The following EHBP1 variants were observed in gnomAD, a reference collection of about 807,000 sequenced individuals.
EHBP1 encodes EH domain-binding protein 1.
In EHBP1, 55 loss-of-function variants were observed where a neutral mutation model predicts 144.0. That is an observed-to-expected ratio of 0.38 (90% CI 0.31 to 0.48). The LOEUF (loss-of-function observed/expected upper bound fraction) is 0.48. EHBP1 is among the 20% of genes least tolerant of loss of function. The pLI is 0.98. For missense variants in EHBP1, 1,200 were observed against 1,364.2 expected (o/e 0.88, Z 1.90); for synonymous variants, 469 against 472.7 (o/e 0.99, Z 0.10).
chr2:62,832,101 A>G (rs1303900654), intron 7 of EHBP1, among the ~76,000 whole-genome samples: 1 of 152,112 alleles, frequency 6.6e-6, no homozygotes, highest in East Asian at 1.9e-4. Flanking sequence ...AAATTTTATT[A>G]TTTTCTAATT....
chr2:62,813,281 A>C (rs891506762), intron 5 of EHBP1, among the ~76,000 whole-genome samples: 1 of 152,202 alleles, frequency 6.6e-6, no homozygotes, highest in Non-Finnish European at 1.5e-5. Flanking sequence ...AGTGGCATCC[A>C]TGTGATGTTA....
At chr2:62,907,542 G>A (rs1284230332) in intron 10 of EHBP1, among the ~76,000 whole-genome samples, 1 of 152,098 alleles carries the variant, frequency 6.6e-6, no homozygotes, top group Admixed American at 6.6e-5. Context: ...GTTTAGAGAT[G>A]GCAGTCTTCT....
chr2:62,832,419 A>T (rs2046879534), intron 7 of EHBP1, among the ~76,000 whole-genome samples: 1 of 147,318 alleles, frequency 6.8e-6, no homozygotes, highest in South Asian at 2.1e-4. Context: ...TGCACTTCAC[A>T]GATTTTTTTT....
chr2:62,863,592 T>C (rs1261027341), intron 8 of EHBP1, among the ~76,000 whole-genome samples: 2 of 152,212 alleles, frequency 1.3e-5, no homozygotes, highest in African/African-American at 2.4e-5. Context: ...TGAAGTTACA[T>C]TGAAAAAATA....
At chr2:62,905,915 G>A (rs2053773130) in intron 10 of EHBP1, among the ~76,000 whole-genome samples, 1 of 152,058 alleles carries the variant, frequency 6.6e-6, no homozygotes, top group Admixed American at 6.6e-5. Flanking sequence ...GGCAAAAAAC[G>A]ATGGTAGTTT....
At chr2:62,863,542 A>G (rs1343028696) in intron 8 of EHBP1, among the ~76,000 whole-genome samples, 3 of 152,216 alleles carry the variant, frequency 2.0e-5, no homozygotes, top group African/African-American at 4.8e-5. Flanking sequence ...CAGTATTATT[A>G]TAGTGCTTTC....
chr2:62,904,765 C>A (rs1367577961), intron 10 of EHBP1, among the ~76,000 whole-genome samples: 1 of 152,174 alleles, frequency 6.6e-6, no homozygotes, highest in Non-Finnish European at 1.5e-5. Context: ...GACTATTACT[C>A]TAACTTTTTG....
chr2:63,035,452 A>G (rs2061410545), intron 19 of EHBP1, among the ~76,000 whole-genome samples: 1 of 152,094 alleles, frequency 6.6e-6, no homozygotes, highest in Non-Finnish European at 1.5e-5. Context: ...ATTCATAGGC[A>G]TAAGTTTAAC....
intron 10 of EHBP1, among the ~76,000 whole-genome samples, chr2:62,878,315 A>G (rs2051067422): frequency 6.6e-6 from 1 of 152,224 alleles, no homozygotes; most frequent in Non-Finnish European, 1.5e-5. Context: ...AAATTGAATC[A>G]GTAATAAAAA....
intron 10 of EHBP1, among the ~76,000 whole-genome samples, chr2:62,933,484 C>T (rs1387640731): frequency 6.6e-6 from 1 of 152,094 alleles, no homozygotes; most frequent in African/African-American, 2.4e-5. Context: ...CATACATTGG[C>T]CTATGTGGTA....
At position 63,045,035 on chromosome 2, in the gene EHBP1, CGGTGGGTAACT is replaced by C; in HGVS notation, c.3278-30_3278-20del. The C allele has an allele frequency of 1.3e-6, 2 of 1,505,584 alleles. No homozygotes were observed. Among genetic ancestry groups the C allele is most frequent in the Non-Finnish European group, 1.8e-6 (2 of 1,107,218 alleles). 93.3% of individuals were successfully genotyped at this position (1,505,584 alleles called of 1,614,324 possible). A position where few individuals can be genotyped will look rare whatever the true frequency, so the allele number is the denominator to read the frequency against. ...GGGGCCGGGTGTTCGGAGGCCCTGC[CGGTGGGTAACT>C]AGCCTCCCGTCTTCTGCAGACTGGC... On this transcript the variant is annotated intron_variant, in intron 21 of 22. Transcript: ENST00000431489. The surrounding 1 kb of genome is among the most constrained non-coding windows in gnomAD (Gnocchi z 5.7).
rs1382245108 is a variant in EHBP1 at position 62,948,877 on chromosome 2, C to A, written c.2031C>A (p.Pro677=). 6 of 1,613,874 alleles carry A rather than the reference C, an allele frequency of 3.7e-6. No individual in the cohort carries two copies. Among genetic ancestry groups the A allele is most frequent in the Non-Finnish European group, 5.1e-6 (6 of 1,179,980 alleles). Residue 677 remains proline, a synonymous_variant, in exon 13 of 23, where the codon CCC becomes CCA. Coordinates refer to ENST00000431489, the MANE Select transcript of EHBP1 (RefSeq NM_001142616.3). The part of the protein sequence containing the change: ...VSDKKKDMSP[P]FICEETDEQK... Reference sequence around the variant, plus strand: ...ATAAGAAGAAGGATATGTCTCCACCCTTTATTTGTGAGGAGACAGATGAAC... The same window carrying A: ...ATAAGAAGAAGGATATGTCTCCACCATTTATTTGTGAGGAGACAGATGAAC...
At chr2:62,931,455 G>A (rs13417661) in intron 10 of EHBP1, among the ~76,000 whole-genome samples, 1 of 152,126 alleles carries the variant, frequency 6.6e-6, no homozygotes, top group East Asian at 1.9e-4. Context: ...AAATGATACA[G>A]TGCTGTGGAA....
At chr2:62,695,328 T>C (rs2034048111) in intron 1 of EHBP1, among the ~76,000 whole-genome samples, 1 of 152,056 alleles carries the variant, frequency 6.6e-6, no homozygotes, top group African/African-American at 2.4e-5. Context: ...ACCACTGCAC[T>C]CTACTCCGGA....
intron 3 of EHBP1, among the ~76,000 whole-genome samples, chr2:62,755,666 A>G (rs547444750): frequency 1.3e-5 from 2 of 152,316 alleles, no homozygotes; most frequent in Admixed American, 6.5e-5. Context: ...TGAGAGCATT[A>G]TAATTTGAAT....
At chr2:62,918,276 C>T (rs949276684) in intron 10 of EHBP1, among the ~76,000 whole-genome samples, 2 of 152,168 alleles carry the variant, frequency 1.3e-5, no homozygotes, top group Admixed American at 1.3e-4. Context: ...TGATTTACAA[C>T]TACCGTAGTA....
At chr2:63,030,789 C>CTTT (rs1226186842) in intron 19 of EHBP1, among the ~76,000 whole-genome samples, 183 of 85,068 alleles carry the variant, frequency 2.2e-3, no homozygotes, top group East Asian at 3.2e-3. Flanking sequence ...GCACACCCAG[C>CTTT]TTTTTTTTTT....
intron 10 of EHBP1, among the ~76,000 whole-genome samples, chr2:62,891,833 C>G (rs948573099): frequency 6.6e-6 from 1 of 152,028 alleles, no homozygotes; most frequent in Non-Finnish European, 1.5e-5. Flanking sequence ...AATTAGCATT[C>G]AGCAGAGTGC....
chr2:62,792,175 A>G (rs2043205262), intron 5 of EHBP1, among the ~76,000 whole-genome samples: 1 of 152,018 alleles, frequency 6.6e-6, no homozygotes, highest in African/African-American at 2.4e-5. Flanking sequence ...GATACAGTTA[A>G]TTAAAGTACT....
Sources: allele counts gnomAD v4.1 joint callset (sites outside exome capture counted in the v4.1 genomes callset), GRCh38; gene constraint gnomAD v4.1.1; non-coding constraint Gnocchi (gnomAD v3.1); transcripts MANE v1.5; gene names NCBI Gene and HGNC (gene_info 2026-07-23, HGNC 2026-07-21).